The following ABHD1 variants were observed in gnomAD, a reference collection of about 807,000 sequenced individuals.
ABHD1 encodes the protein abhydrolase domain containing 1.
Under a neutral mutation model 41.4 loss-of-function variants are expected in ABHD1, and 47 were observed. The observed-to-expected ratio is 1.13, with a 90% confidence interval of 0.90 to 1.45. The LOEUF (loss-of-function observed/expected upper bound fraction) is 1.45, where lower values mean the gene tolerates loss of function less well. Among genes scored for constraint, ABHD1 ranks in the 40% most tolerant of loss-of-function variants. ABHD1 has a pLI of 0.00. For synonymous variants in ABHD1, 205 were observed against 203.7 expected (o/e 1.01, Z -0.05); for missense variants, 550 against 503.4 (o/e 1.09, Z -0.89).
chr2:27,127,233 CA>C (rs1671995137), intron 1 of ABHD1, among the ~76,000 whole-genome samples: 1 of 126,072 alleles, frequency 7.9e-6, no homozygotes, highest in Non-Finnish European at 1.7e-5. Context: ...AGTGTAGCTT[CA>C]TCTTTTTTTT....
rs1208055829 is a variant in ABHD1 at position 27,128,497 on chromosome 2, C to T, written c.171C>T (p.Ser57=). The T allele has an allele frequency of 6.2e-7, 1 of 1,611,212 alleles. No individual in the cohort carries two copies. Among genetic ancestry groups the T allele is most frequent in the African/African-American group, 1.4e-5 (1 of 74,008 alleles). The part of the protein sequence containing the change: ...QFLAFLEPHC[S]ITTETFYPTL... ...TGGCCTTCCTGGAGCCACACTGTTC[C>T]ATCACCACCGAGACTTTCTACCCAA... The change falls in exon 2 of 9, where the codon TCC becomes TCT. Residue 57 remains serine, a synonymous_variant. Transcript: ENST00000316470.
At chr2:27,130,208 C>T in intron 7 of ABHD1, 43 bp from the exon 8 acceptor site, 1 of 1,614,180 alleles carries the variant, frequency 6.2e-7, no homozygotes, top group Middle Eastern at 1.7e-4. Flanking sequence ...CACTATCTTC[C>T]TATTCTTTAT....
At chr2:27,126,689 TC>T (rs1282568825) in intron 1 of ABHD1, 2 of 152,038 alleles carry the variant, frequency 1.3e-5, no homozygotes, top group Non-Finnish European at 2.9e-5. Context: ...CTTGTCACCT[TC>T]CCCCTAGCTG....
chr2:27,127,239 T>C (rs1368384480), intron 1 of ABHD1, among the ~76,000 whole-genome samples: 1 of 135,540 alleles, frequency 7.4e-6, no homozygotes, highest in East Asian at 2.1e-4. Flanking sequence ...GCTTCATCTT[T>C]TTTTTTTTTT....
At chr2:27,126,469 G>A (rs1671959194) in intron 1 of ABHD1, 1 of 152,246 alleles carries the variant, frequency 6.6e-6, no homozygotes. Context: ...TATAGGAACT[G>A]TACTGGAGAT....
Position 27,130,308 on chromosome 2 carries a change from G to C in ABHD1, c.898G>C (p.Asp300His), listed in dbSNP as rs757029750. The C allele has an allele frequency of 5.0e-6, 8 of 1,614,140 alleles. No individual in the cohort carries two copies. The highest frequency in any genetic ancestry group is 6.8e-6 in the Non-Finnish European group (8 of 1,180,028). Reference protein sequence around the residue: ...RYTSVAFGYQDCVTYYKAASP... With the variant: ...RYTSVAFGYQHCVTYYKAASP... ...CACATCTGTGGCCTTTGGATATCAA[G>C]ACTGTGTTACCTACTACAAAGCAGC... The change falls in exon 8 of 9, where the codon GAC becomes CAC. Residue 300 changes from aspartate to histidine, a missense_variant. Transcript: ENST00000316470.
rs1672129436 is a variant in ABHD1 at position 27,129,510 on chromosome 2, T to G, written c.505-4T>G. ...CCCTACCCAATGATCTGGTTTGCCC[T>G]CAGACCCACAGGGCTTTTTGTGCCA... On this transcript the variant is annotated splice_region_variant and splice_polypyrimidine_tract_variant and intron_variant, in intron 4 of 8. Transcript: ENST00000316470. The G allele has an allele frequency of 6.2e-7, 1 of 1,613,992 alleles. No homozygotes were observed. Among genetic ancestry groups the G allele is most frequent in the Non-Finnish European group, 8.5e-7 (1 of 1,179,990 alleles).
In ABHD1 at chr2:27,129,133, G is replaced by C. The variant is rs774054451; in HGVS notation, c.458+6G>C. 6.2e-7 allele frequency: 1 copy of C among 1,611,656 alleles called. No individual in the cohort carries two copies. Among genetic ancestry groups the C allele is most frequent in the Non-Finnish European group, 8.5e-7 (1 of 1,178,986 alleles). ...GCTCTGAGGGATGGCTACCAGTAAGGATGGGTGCAGCCCCAGAGTGGGGTG... is the reference window on the plus strand; with the variant it reads ...GCTCTGAGGGATGGCTACCAGTAAGCATGGGTGCAGCCCCAGAGTGGGGTG... On this transcript the variant is annotated splice_donor_region_variant and intron_variant, in intron 3 of 8. Transcript: ENST00000316470.
At chr2:27,124,088 C>A (rs1671853967) in intron 1 of ABHD1, 26 bp downstream of exon 1, 2 of 1,606,186 alleles carry the variant, frequency 1.2e-6, no homozygotes, top group Non-Finnish European at 1.7e-6. Context: ...CCGCTCTGGC[C>A]AGCGGGTTTG....
In ABHD1 at chr2:27,130,411, T is replaced by C. The variant is rs781416616; in HGVS notation, c.1001T>C (p.Val334Ala). The C allele has an allele frequency of 2.5e-6, 4 of 1,613,978 alleles. No individual in the cohort carries two copies. The African/African-American group carries it at 5.3e-5, about 22-fold the overall frequency. The part of the protein sequence containing the change: ...LSAADDPFSP[V>A]CALPIQAAQH... ...GCAGCAGATGACCCCTTCTCCCCCG[T>C]CTGTGGTGAGTACTCTGATTCAGGA... Residue 334 changes from valine to alanine, a missense_variant, in exon 8 of 9, where the codon GTC becomes GCC. By Grantham distance (64) the Val-to-Ala change is moderately conservative (BLOSUM62 0). Transcript: ENST00000316470.
rs762828540 is a variant in ABHD1 at position 27,128,956 on chromosome 2, A to C, written c.287A>C (p.Gln96Pro). The change falls in exon 3 of 9, where the codon CAA becomes CCA. Residue 96 changes from glutamine (Q) to proline (P), a missense_variant. Coordinates refer to ENST00000316470, the MANE Select transcript of ABHD1 (RefSeq NM_032604.4). The part of the protein sequence containing the change: ...PLVLYQSDIL[Q>P]TPDGGQLLLD... Reference sequence around the variant, plus strand: ...TCCTCCAAAACCAGTGACATCCTCCAAACACCAGATGGAGGCCAGCTCCTG... The same window carrying C: ...TCCTCCAAAACCAGTGACATCCTCCCAACACCAGATGGAGGCCAGCTCCTG... 8 of 1,613,108 alleles carry C rather than the reference A, an allele frequency of 5.0e-6. No individual in the cohort carries two copies. The African/African-American group carries it at 5.3e-5, about 11-fold the overall frequency.
At position 27,123,820 on chromosome 2, in the gene ABHD1, C is replaced by A; in HGVS notation, c.-129C>A. 1.4e-6 allele frequency: 1 copy of A among 730,330 alleles called. No individual in the cohort carries two copies. The highest frequency in any genetic ancestry group is 2.3e-6 in the Non-Finnish European group (1 of 440,536). 45.2% of individuals were successfully genotyped at this position (730,330 alleles called of 1,614,324 possible). On this transcript the variant is annotated 5_prime_UTR_variant, in exon 1 of 9. Transcript: ENST00000316470. ...CACCGGCGGTGGGCGGGGCCAGCAG[C>A]GCAAACTGCCTGCAGCGGGGACCGG...
In ABHD1 at chr2:27,129,607, GTGGGCATCTCTTT is replaced by G. The variant is rs1558475435; in HGVS notation, c.602_614del (p.Gly201GlufsTer6). ...TTATCCCCAAGCTCCACTGCTGGCC[GTGGGCATCTCTTT>G]TGGAGGGTAAAGATTGCCTGGGCTT... is the stretch of plus-strand genomic sequence containing the variant. On this transcript the variant is annotated frameshift_variant, in exon 5 of 9. Coordinates refer to ENST00000316470, the MANE Select transcript of ABHD1 (RefSeq NM_032604.4). LOFTEE classifies it high-confidence loss of function. The G allele has an allele frequency of 1.2e-6, 2 of 1,613,250 alleles. No homozygotes were observed. The highest frequency in any genetic ancestry group is 1.1e-5 in the South Asian group (1 of 91,086).
chr2:27,130,239 T>C lies in ABHD1; in HGVS notation c.841-12T>C. The C allele has an allele frequency of 6.2e-7, 1 of 1,614,192 alleles. No homozygotes were observed. The highest frequency in any genetic ancestry group is 2.2e-5 in the East Asian group (1 of 44,882). The stretch of plus-strand genomic sequence containing the variant: ...TTTATCATCTTAGCCTATCCTATGG[T>C]AAGACCTGCAGGCCCGTACAATCCG... On this transcript the variant is annotated splice_polypyrimidine_tract_variant and intron_variant, in intron 7 of 8. Coordinates refer to ENST00000316470, the MANE Select transcript of ABHD1 (RefSeq NM_032604.4).
At chr2:27,130,060 G>A (rs746504266) in intron 6 of ABHD1, 45 bp from the exon 7 acceptor site, 21 of 1,613,228 alleles carry the variant, frequency 1.3e-5, no homozygotes, top group Non-Finnish European at 1.8e-5. Context: ...TGGGGGTGGG[G>A]GATCAGATCC....
intron 1 of ABHD1, 44 bp from the exon 2 acceptor site, chr2:27,128,397 G>T: frequency 6.2e-7 from 1 of 1,611,872 alleles, no homozygotes; most frequent in Non-Finnish European, 8.5e-7. Context: ...CACTAGCTTG[G>T]TGCAAAAGTC....
chr2:27,129,231 G>A, intron 3 of ABHD1, 85 bp from the exon 4 acceptor site: 1 of 1,600,654 alleles, frequency 6.2e-7, no homozygotes, highest in Non-Finnish European at 8.5e-7. Context: ...CACAAAGGGA[G>A]TCTTTGGACA....
At chr2:27,125,084 T>C (rs1436583453) in intron 1 of ABHD1, 5 of 150,840 alleles carry the variant, frequency 3.3e-5, no homozygotes, top group Non-Finnish European at 5.9e-5. Context: ...GAGGTTGCAA[T>C]GAGCCTCGTG....
Position 27,129,000 on chromosome 2 carries a change from C to T in ABHD1, c.331C>T (p.Pro111Ser), listed in dbSNP as rs1375561953. 2 of 1,614,084 alleles carry T rather than the reference C, an allele frequency of 1.2e-6. No homozygotes were observed. Among genetic ancestry groups the T allele is most frequent in the African/African-American group, 1.3e-5 (1 of 74,948 alleles). ...GCTCCTGCTAGACTGGGCCAAGCAG[C>T]CTGACAGCAGCCAAGACCCTGATCC... The part of the protein sequence containing the change: ...GQLLLDWAKQ[P>S]DSSQDPDPTT... Residue 111 changes from proline to serine, a missense_variant, in exon 3 of 9, where the codon CCT (proline) becomes TCT (serine). Physicochemically the swap from Pro to Ser is moderately conservative, Grantham distance 74. Transcript: ENST00000316470.
Sources: gnomAD v4.1 joint callset for allele counts (sites outside exome capture counted in the v4.1 genomes callset) on GRCh38, gnomAD v4.1.1 for gene constraint, MANE v1.5 for transcripts, NCBI Gene and HGNC (gene_info 2026-07-23, HGNC 2026-07-21) for gene names.